ATG13: variants seen among roughly 807,000 people sequenced by gnomAD.
The protein encoded by ATG13 is autophagy-related protein 13.
In ATG13, 23 loss-of-function variants were observed where a neutral mutation model predicts 65.5. The observed-to-expected ratio is 0.35, with a 90% CI of 0.25 to 0.50. The LOEUF is 0.50. ATG13 is among the 20% of genes least tolerant of loss of function. The pLI is 0.98. For missense variants in ATG13, 566 were observed against 677.0 expected, an observed-to-expected ratio of 0.84 and a Z score of 1.82; for synonymous variants, 252 against 245.2, an observed-to-expected ratio of 1.03 and a Z score of -0.26.
chr11:46,658,446 G>A (rs1412815299), intron 10 of ATG13, among the ~76,000 whole-genome samples: 1 of 152,082 alleles, frequency 6.6e-6, no homozygotes, highest in African/African-American at 2.4e-5. Context: ...CTATAATCCC[G>A]GCACTTTGGG....
intron 5 of ATG13, 135 bp from the exon 6 acceptor site, chr11:46,649,002 G>A (rs2058341163): frequency 3.0e-6 from 2 of 664,590 alleles, no homozygotes; most frequent in Admixed American, 6.7e-5. Flanking sequence ...TTAGAGAAGA[G>A]GCTTGTTCGA....
intron 1 of ATG13, among the ~76,000 whole-genome samples, chr11:46,624,478 G>A (rs1395740738): frequency 1.3e-5 from 2 of 151,276 alleles, no homozygotes; most frequent in Non-Finnish European, 2.9e-5. Context: ...AATCTAAAAT[G>A]GATCTTCAGA....
chr11:46,657,427 G>T (rs2060263647), intron 9 of ATG13, 97 bp from the exon 10 acceptor site: 1 of 1,208,102 alleles, frequency 8.3e-7, no homozygotes, highest in Admixed American at 1.8e-5. Context: ...CTCTGGTAGT[G>T]CCTGCCAACA....
chr11:46,650,388 A>G, intron 7 of ATG13, 71 bp downstream of exon 7: 2 of 1,532,646 alleles, frequency 1.3e-6, no homozygotes, highest in South Asian at 1.2e-5. Context: ...TGGCATTTAG[A>G]TGTTCTGTGA....
chr11:46,650,305 T>A lies in ATG13; in HGVS notation c.446T>A (p.Val149Asp). ...RLSRKQGHEY[V>D]ILYRIYFGEV... ...TCCAGGAAACAAGGGCATGAATATG[T>A]CATATTATACAGGTAAACAGCATAG... is the stretch of plus-strand genomic sequence containing the variant. Residue 149 changes from valine to aspartate, a missense_variant, in exon 7 of 19, where the codon GTC (valine) becomes GAC (aspartate). Physicochemically the swap from Val to Asp is radical, Grantham distance 152. Transcript: ENST00000683050. The A allele has an allele frequency of 6.2e-7, 1 of 1,613,894 alleles. No homozygotes were observed. The highest frequency in any genetic ancestry group is 8.5e-7 in the Non-Finnish European group (1 of 1,179,926).
At chr11:46,643,915 G>C (rs371683623) in intron 2 of ATG13, among the ~76,000 whole-genome samples, 1 of 152,188 alleles carries the variant, frequency 6.6e-6, no homozygotes, top group East Asian at 1.9e-4. Flanking sequence ...AGTGGCCTTT[G>C]AAGGAATATA....
intron 1 of ATG13, among the ~76,000 whole-genome samples, chr11:46,627,836 A>G (rs1361761582): frequency 6.6e-6 from 1 of 151,954 alleles, no homozygotes; most frequent in East Asian, 1.9e-4. Flanking sequence ...AATCCCCAGC[A>G]GTCTGGGAGG....
chr11:46,657,365 T>G, intron 9 of ATG13, 159 bp from the exon 10 acceptor site: 1 of 926,036 alleles, frequency 1.1e-6, no homozygotes. Context: ...AGAGCCAGTT[T>G]GTCCAGAACG....
chr11:46,620,473 C>T (rs1364687096), intron 1 of ATG13, among the ~76,000 whole-genome samples: 2 of 151,868 alleles, frequency 1.3e-5, no homozygotes, highest in African/African-American at 4.8e-5. Flanking sequence ...ATTACCACTG[C>T]TTAGAAAAAC....
chr11:46,654,762 G>T (rs952601521), intron 7 of ATG13, among the ~76,000 whole-genome samples: 1 of 151,640 alleles, frequency 6.6e-6, no homozygotes, highest in Non-Finnish European at 1.5e-5. Flanking sequence ...ACCAGCCTGG[G>T]CAATAGTTAG....
rs181372390 is a variant in ATG13, at chr11:46,668,774, C to T, written c.1330-20C>T. The T allele has an allele frequency of 9.7e-5, 155 of 1,590,314 alleles. No individual in the cohort carries two copies. The African/African-American group carries it at 1.8e-3, about 19-fold the overall frequency. On this transcript the variant is annotated intron_variant, in intron 16 of 18. Transcript: ENST00000683050. Reference sequence around the variant, plus strand: ...TCTGGGTCACAGCATCAGCCCTAATCCTGCCTTGCTATGAAACAGGTGAAT... The same window carrying T: ...TCTGGGTCACAGCATCAGCCCTAATTCTGCCTTGCTATGAAACAGGTGAAT...
intron 1 of ATG13, among the ~76,000 whole-genome samples, chr11:46,625,639 C>T (rs1353767229): frequency 6.6e-6 from 1 of 152,102 alleles, no homozygotes; most frequent in African/African-American, 2.4e-5. Context: ...TCTGGCAAAA[C>T]AGGTTATGGA....
At chr11:46,638,012 CATA>C (rs765841491) in intron 2 of ATG13, among the ~76,000 whole-genome samples, 15 of 152,280 alleles carry the variant, frequency 9.9e-5, no homozygotes, top group African/African-American at 2.6e-4. Context: ...ATGATTGATA[CATA>C]ATAATTATAC....
chr11:46,619,089 C>T (rs748051627), intron 1 of ATG13, among the ~76,000 whole-genome samples: 2 of 152,028 alleles, frequency 1.3e-5, no homozygotes, highest in African/African-American at 2.4e-5. Context: ...TTACATAAAC[C>T]GTCATTTTTC....
intron 8 of ATG13, 33 bp downstream of exon 8, chr11:46,656,306 T>C: frequency 6.3e-7 from 1 of 1,585,638 alleles, no homozygotes; most frequent in Non-Finnish European, 8.7e-7. Context: ...CATCGTAGTG[T>C]TCAGAGCTCT....
At chr11:46,645,769 T>TA (rs2057358864) in intron 4 of ATG13, 101 bp from the exon 5 acceptor site, 1 of 1,490,192 alleles carries the variant, frequency 6.7e-7, no homozygotes, top group Admixed American at 1.8e-5. Context: ...TTGTCTTCCT[T>TA]AATCAGCCAC....
In ATG13 at chr11:46,659,313, T is replaced by C; in HGVS notation, c.696-79T>C. ...CCGTTCTTAGCACAGGTCCCATCTC[T>C]ATCTAATCACCTTTTATAGCCTTTC... On this transcript the variant is annotated intron_variant, in intron 10 of 18. Coordinates refer to ENST00000683050, the MANE Select transcript of ATG13 (RefSeq NM_001346311.2). The C allele has an allele frequency of 2.5e-5, 29 of 1,161,986 alleles. 1 individual carries two copies. The South Asian group carries it at 3.7e-4, about 15-fold the overall frequency. The allele number at this position is 1,161,986 out of a possible 1,614,324, so 72.0% of individuals were successfully genotyped here.
intron 2 of ATG13, among the ~76,000 whole-genome samples, chr11:46,631,739 T>C (rs2051814118): frequency 6.6e-6 from 1 of 152,026 alleles, no homozygotes; most frequent in African/African-American, 2.4e-5. Flanking sequence ...ATTAGTTGGG[T>C]GTAGTGACAT....
chr11:46,623,706 G>T (rs1056245638), intron 1 of ATG13, among the ~76,000 whole-genome samples: 20 of 152,018 alleles, frequency 1.3e-4, no homozygotes, highest in African/African-American at 4.6e-4. Flanking sequence ...GGGATTACAG[G>T]CCTGAGCCAC....
Sources: allele counts gnomAD v4.1 joint callset (sites outside exome capture counted in the v4.1 genomes callset), GRCh38; gene constraint gnomAD v4.1.1; transcripts MANE v1.5; gene names NCBI Gene and HGNC (gene_info 2026-07-23, HGNC 2026-07-21).